The following MIPOL1 variants were observed in gnomAD, a reference collection of about 807,000 sequenced individuals.
MIPOL1 encodes mirror-image polydactyly 1, also known as mirror-image polydactyly gene 1 protein.
Under a neutral mutation model 60.9 loss-of-function variants are expected in MIPOL1, and 57 were observed. The ratio of observed to expected loss-of-function variants is 0.94; its 90% confidence interval spans 0.76 to 1.17. The LOEUF is 1.17. MIPOL1 is among the 50% of genes most tolerant of loss of function. The probability of loss-of-function intolerance (pLI) is 0.00; values close to 1 mark genes in which losing one functional copy is unlikely to be tolerated. For synonymous variants in MIPOL1, 179 were observed against 168.8 expected, an observed-to-expected ratio of 1.06 and a Z score of -0.47; for missense variants, 551 against 511.6, an observed-to-expected ratio of 1.08 and a Z score of -0.74.
chr14:37,226,513 A>G (rs1969768012), intron 1 of MIPOL1, among the ~76,000 whole-genome samples: 1 of 152,220 alleles, frequency 6.6e-6, no homozygotes, highest in South Asian at 2.1e-4. Context: ...CATGAGACTT[A>G]TTCACTACCA....
intron 2 of MIPOL1, 164 bp from the exon 3 acceptor site, chr14:37,247,665 A>G: frequency 2.1e-6 from 1 of 485,388 alleles, no homozygotes; most frequent in Non-Finnish European, 3.6e-6. Context: ...TTTTTCTGAG[A>G]AAAAGATTTA....
intron 7 of MIPOL1, among the ~76,000 whole-genome samples, chr14:37,290,780 G>A (rs2084984662): frequency 6.6e-6 from 1 of 151,998 alleles, no homozygotes. Context: ...TGGGTTGTGG[G>A]GTTTTTTTGT....
intron 11 of MIPOL1, among the ~76,000 whole-genome samples, chr14:37,486,270 G>T (rs1225732439): frequency 6.6e-6 from 1 of 152,184 alleles, no homozygotes; most frequent in Non-Finnish European, 1.5e-5. Flanking sequence ...CAGGTAGTGT[G>T]ATGTCTCCAG....
At chr14:37,386,692 T>C (rs1309629183) in intron 10 of MIPOL1, among the ~76,000 whole-genome samples, 1 of 152,014 alleles carries the variant, frequency 6.6e-6, no homozygotes, top group Non-Finnish European at 1.5e-5. Flanking sequence ...GTTTAGATAG[T>C]TGCTTAGACA....
At chr14:37,359,565 G>T (rs2092093349) in intron 9 of MIPOL1, among the ~76,000 whole-genome samples, 1 of 151,768 alleles carries the variant, frequency 6.6e-6, no homozygotes, top group South Asian at 2.1e-4. Context: ...CTTGTAAGTT[G>T]TATTCCTAGG....
intron 9 of MIPOL1, among the ~76,000 whole-genome samples, chr14:37,340,908 T>C (rs2090522163): frequency 6.6e-6 from 1 of 152,200 alleles, no homozygotes; most frequent in African/African-American, 2.4e-5. Context: ...TGTACAGGTA[T>C]ACCATTTTTT....
intron 10 of MIPOL1, among the ~76,000 whole-genome samples, chr14:37,415,235 C>A (rs1229253087): frequency 1.3e-5 from 2 of 152,060 alleles, no homozygotes; most frequent in African/African-American, 4.8e-5. Flanking sequence ...TGGATGGCAT[C>A]TTAAAATAAA....
At chr14:37,552,174 A>G (rs529649926), downstream of MIPOL1, 2 of 152,208 alleles carry the variant, frequency 1.3e-5, no homozygotes, top group African/African-American at 4.8e-5. Flanking sequence ...AAAATTCTAT[A>G]AACTGGTGTT....
At chr14:37,244,889 T>G (rs1972945514) in intron 1 of MIPOL1, among the ~76,000 whole-genome samples, 1 of 152,280 alleles carries the variant, frequency 6.6e-6, no homozygotes, top group Admixed American at 6.5e-5. Flanking sequence ...TACAGAAATC[T>G]TCTCCTATTA....
At chr14:37,201,381 G>C (rs910328501) in intron 1 of MIPOL1, among the ~76,000 whole-genome samples, 3 of 152,220 alleles carry the variant, frequency 2.0e-5, no homozygotes, top group East Asian at 3.9e-4. Flanking sequence ...AAGAACAAAA[G>C]ACAGGTAAGA....
At chr14:37,327,574 C>T (rs1011154124) in intron 9 of MIPOL1, among the ~76,000 whole-genome samples, 1 of 152,168 alleles carries the variant, frequency 6.6e-6, no homozygotes, top group African/African-American at 2.4e-5. Context: ...CGTGAGCCAT[C>T]GTGCCTGGCC....
chr14:37,528,363 A>T lies in MIPOL1; in HGVS notation c.1263-18542A>T, dbSNP rs2095460449. On this transcript the variant is annotated intron_variant, in intron 12 of 12. Transcript: ENST00000684589. Reference sequence around the variant, plus strand: ...ACTATAATTTAATTGTTATTTTCAAATACCACTGCAGTGAAAATACTTAAA... The same window carrying T: ...ACTATAATTTAATTGTTATTTTCAATTACCACTGCAGTGAAAATACTTAAA... 2.0e-5 allele frequency among the ~76,000 whole-genome samples: 3 copies of T among 152,050 alleles called. No homozygotes were observed. In the South Asian group the frequency reaches 6.2e-4, roughly 31 times the overall value.
chr14:37,462,582 T>C (rs1232826770), intron 11 of MIPOL1, among the ~76,000 whole-genome samples: 1 of 152,200 alleles, frequency 6.6e-6, no homozygotes, highest in Non-Finnish European at 1.5e-5. Flanking sequence ...TTATGCTCTG[T>C]TTCCTTTCTG....
At chr14:37,504,003 C>A (rs1487951158) in intron 12 of MIPOL1, 2 of 152,074 alleles carry the variant, frequency 1.3e-5, no homozygotes, top group Non-Finnish European at 2.9e-5. Flanking sequence ...TCAAAAGAGA[C>A]AAAGAAGGCC....
At chr14:37,310,513 A>C (rs1169933977) in intron 9 of MIPOL1, among the ~76,000 whole-genome samples, 1 of 152,042 alleles carries the variant, frequency 6.6e-6, no homozygotes, top group African/African-American at 2.4e-5. Context: ...ACTTTTTTCT[A>C]ACTACATGCT....
intron 11 of MIPOL1, among the ~76,000 whole-genome samples, chr14:37,474,280 A>G (rs72674219): frequency 0.16 from 25,056 of 151,974 alleles, 3,855 homozygotes; most frequent in African/African-American, 0.4. Context: ...AAAACCTTGG[A>G]GCATGATTGC....
intron 11 of MIPOL1, among the ~76,000 whole-genome samples, chr14:37,481,144 G>A (rs2094857000): frequency 6.6e-6 from 1 of 151,950 alleles, no homozygotes; most frequent in Admixed American, 6.6e-5. Context: ...CTCTAAAAGA[G>A]CAAAAACACA....
At chr14:37,532,160 T>C (rs919805450) in intron 12 of MIPOL1, among the ~76,000 whole-genome samples, 2 of 152,210 alleles carry the variant, frequency 1.3e-5, no homozygotes, top group African/African-American at 2.4e-5. Flanking sequence ...TATAAATTGT[T>C]AACAGTACAA....
intron 9 of MIPOL1, among the ~76,000 whole-genome samples, chr14:37,338,847 T>C (rs2090378476): frequency 6.6e-6 from 1 of 152,198 alleles, no homozygotes; most frequent in Non-Finnish European, 1.5e-5. Flanking sequence ...AAATGGCTTA[T>C]AGACCTCAAC....
Sources: allele counts gnomAD v4.1 joint callset (sites outside exome capture counted in the v4.1 genomes callset), GRCh38; gene constraint gnomAD v4.1.1; transcripts MANE v1.5; gene names NCBI Gene and HGNC (gene_info 2026-07-23, HGNC 2026-07-21).